ABCA2: variants seen among roughly 807,000 people sequenced by gnomAD.
The protein encoded by ABCA2 is ATP-binding cassette sub-family A member 2.
In ABCA2, 84 loss-of-function variants were observed where a neutral mutation model predicts 262.8. The ratio of observed to expected loss-of-function variants is 0.32; its 90% CI spans 0.27 to 0.38. The LOEUF is 0.38. Ranked by LOEUF, ABCA2 falls within the 10% of genes least tolerant of loss-of-function variation. The probability of loss-of-function intolerance (pLI) is 1.00; values close to 1 mark genes in which losing one functional copy is unlikely to be tolerated. For synonymous variants in ABCA2, 1,696 were observed against 1,502.9 expected (o/e 1.13, Z -2.97); for missense variants, 2,662 against 3,405.9 (o/e 0.78, Z 5.44).
upstream of ABCA2, among the ~76,000 whole-genome samples, chr9:137,028,470 C>T (rs772094680): frequency 8.0e-5 from 12 of 150,912 alleles, no homozygotes; most frequent in Non-Finnish European, 1.6e-4. The surrounding 1 kb of genome is among the most constrained non-coding windows in gnomAD (Gnocchi z 6.9). Context: ...CCGGGCGTCA[C>T]GCGACGCGCC....
At position 137,020,873 on chromosome 9, in the gene ABCA2, A is replaced by G. The variant is rs2131462143; in HGVS notation, c.1086T>C (p.Ser362=). The G allele has an allele frequency of 6.5e-7, 1 of 1,547,376 alleles. No homozygotes were observed. The highest frequency in any genetic ancestry group is 8.7e-7 in the Non-Finnish European group (1 of 1,144,828). ...TGCCATTGGCCGCCCCACCCGCACC[A>G]CTGGCTGGGGGTCCGGGGGTCCGGC... The part of the protein sequence containing the change: ...CTGRTPGPPA[S]GAGGAANGTG... The change falls in exon 9 of 49, where the codon AGT becomes AGC. Residue 362 remains serine, a synonymous_variant. Transcript: ENST00000341511.
chr9:137,028,745 G>A (rs1232131624), upstream of ABCA2: 1 of 1,279,210 alleles, frequency 7.8e-7, no homozygotes, highest in Non-Finnish European at 1.0e-6. This position sits in a 1 kb window ranked among gnomAD's most constrained non-coding sequence, Gnocchi z 6.9. Context: ...GGCCAGGTGG[G>A]TCCGTCCCGC....
intron 26 of ABCA2, 100 bp downstream of exon 26, chr9:137,014,590 C>A: frequency 6.6e-7 from 1 of 1,511,620 alleles, no homozygotes; most frequent in Non-Finnish European, 8.9e-7. Flanking sequence ...CCACCCAGGA[C>A]CAGGGTGGCG....
Position 137,015,756 on chromosome 9 carries a change from T to C in ABCA2, c.3433A>G (p.Ile1145Val), listed in dbSNP as rs1166799567. 1 of 1,612,298 alleles carries C rather than the reference T, an allele frequency of 6.2e-7. No homozygotes were observed. The highest frequency in any genetic ancestry group is 1.3e-5 in the African/African-American group (1 of 75,042). The change falls in exon 23 of 49, where the codon ATC (isoleucine) becomes GTC (valine). Residue 1145 changes from isoleucine (I) to valine (V), a missense_variant. By Grantham distance (29) the Ile-to-Val change is conservative (BLOSUM62 3). Around this residue, in one of 12 missense-constraint regions of ABCA2, gnomAD observed 180 missense variants for 307.3 expected, o/e 0.59. Coordinates refer to ENST00000341511, the MANE Select transcript of ABCA2 (RefSeq NM_001606.5). ...AIAFVGGSRA[I>V]ILDEPTAGVD... ...CCCGCCGTGGGCTCGTCCAGGATGA[T>C]GGCGCGAGAGCCGCCCACGAAGGCG...
In ABCA2 at chr9:137,009,372, G is replaced by A; in HGVS notation, c.6825C>T (p.Asn2275=). The A allele has an allele frequency of 1.5e-6, 2 of 1,321,036 alleles. No homozygotes were observed. Among genetic ancestry groups the A allele is most frequent in the Non-Finnish European group, 2.0e-6 (2 of 990,356 alleles). The allele number at this position is 1,321,036 out of a possible 1,614,324, so 81.8% of individuals were successfully genotyped here. A position where few individuals can be genotyped will look rare whatever the true frequency, so the allele number is the denominator to read the frequency against. The part of the protein sequence containing the change: ...RCLGSIQHLK[N]RFGDGYMITV... ...CCCCTGGCCCTGCCCCGGCTCACCG[G>A]TTCTTCAGGTGCTGGATGCTGCCCA... is the stretch of plus-strand genomic sequence containing the variant. The change falls in exon 45 of 49, where the codon AAC becomes AAT. Residue 2275 remains asparagine (N), a splice_region_variant and synonymous_variant. Coordinates refer to ENST00000341511, the MANE Select transcript of ABCA2 (RefSeq NM_001606.5).
At chr9:137,010,540 T>A in intron 40 of ABCA2, 80 bp downstream of exon 40, 1 of 1,414,114 alleles carries the variant, frequency 7.1e-7, no homozygotes, top group Non-Finnish European at 9.7e-7. Context: ...CCACCCAGGC[T>A]CCACCTCCAC....
chr9:137,025,826 G>A (rs1050099589), intron 1 of ABCA2, among the ~76,000 whole-genome samples: 1 of 152,230 alleles, frequency 6.6e-6, no homozygotes, highest in Admixed American at 6.5e-5. Context: ...ACGAGCTACT[G>A]GGAGGAGGAG....
rs958081692 is a variant in ABCA2 at position 137,018,576 on chromosome 9, A to G, written c.1819+143T>C. 5 of 324,988 alleles carry G rather than the reference A, an allele frequency of 1.5e-5. No homozygotes were observed. In the African/African-American group the frequency reaches 1.8e-4, roughly 12 times the overall value. The allele number at this position is 324,988 out of a possible 1,614,324, so 20.1% of individuals were successfully genotyped here. A position where few individuals can be genotyped will look rare whatever the true frequency, so the allele number is the denominator to read the frequency against. ...TGGGTTGGGGCCGTTTGGAAGGGGC[A>G]GGGGTGGGGAGGGGAAGTGGCGGGT... On this transcript the variant is annotated intron_variant, in intron 13 of 48. Coordinates refer to ENST00000341511, the MANE Select transcript of ABCA2 (RefSeq NM_001606.5).
chr9:137,021,922 C>T lies in ABCA2; in HGVS notation c.647G>A (p.Arg216His), dbSNP rs200711069. Reference sequence around the variant, plus strand: ...CCGGAACAGGGGATTGCCCCCTAGGCGGCTCCAGGGCTCCTGACCCTTGTG... The same window carrying T: ...CCGGAACAGGGGATTGCCCCCTAGGTGGCTCCAGGGCTCCTGACCCTTGTG... ...GLHKGQEPWS[R>H]LGGNPLFRME... is the part of the protein sequence containing the mutation. The change falls in exon 7 of 49, where the codon CGC (arginine) becomes CAC (histidine). Residue 216 changes from arginine (R) to histidine (H), a missense_variant. Arg to His is a conservative substitution (Grantham distance 29, BLOSUM62 0). Transcript: ENST00000341511. The surrounding 1 kb of genome is among the most constrained non-coding windows in gnomAD (Gnocchi z 6.0). 4.8e-5 allele frequency: 77 copies of T among 1,603,500 alleles called. No individual in the cohort carries two copies. The East Asian group carries it at 1.1e-3, about 22-fold the overall frequency.
chr9:137,018,581 TG>T, intron 13 of ABCA2, 137 bp downstream of exon 13: 1 of 246,744 alleles, frequency 4.1e-6, no homozygotes, highest in Non-Finnish European at 7.5e-6. Context: ...GGGGCAGGGG[TG>T]GGGAGGGGAA....
rs770884667 is a variant in ABCA2, at chr9:137,010,239, C to A, written c.6307G>T (p.Gly2103Cys). Residue 2103 changes from glycine to cysteine, a missense_variant, in exon 41 of 49, where the codon GGC becomes TGC. This residue lies in a region of ABCA2 where 602 missense variants were observed against 897.4 expected (regional missense o/e 0.67). Coordinates refer to ENST00000341511, the MANE Select transcript of ABCA2 (RefSeq NM_001606.5). Reference protein sequence around the residue: ...GKTSTFKMLTGDESTTGGEAF... With the variant: ...GKTSTFKMLTCDESTTGGEAF... ...TCGCCCCCCGTCGTGCTCTCGTCGC[C>A]GGTCAGCATCTTGAAGGTGCTGGTC... is the stretch of plus-strand genomic sequence containing the variant. The A allele has an allele frequency of 1.9e-6, 3 of 1,604,270 alleles. No homozygotes were observed. The highest frequency in any genetic ancestry group is 1.7e-5 in the Admixed American group (1 of 59,408).
Position 137,011,508 on chromosome 9 carries a change from C to T in ABCA2, c.5698G>A (p.Val1900Ile), listed in dbSNP as rs1289204170. The T allele has an allele frequency of 1.3e-6, 2 of 1,598,526 alleles. No individual in the cohort carries two copies. Among genetic ancestry groups the T allele is most frequent in the African/African-American group, 1.3e-5 (1 of 74,644 alleles). The part of the protein sequence containing the change: ...IMYPASFWFE[V>I]PSSAYVFLIV... Reference sequence around the variant, plus strand: ...AGGAACACGTAGGCGGAGCTGGGGACCTCGAACCAGAAGGAGGCCGGGTAC... The same window carrying T: ...AGGAACACGTAGGCGGAGCTGGGGATCTCGAACCAGAAGGAGGCCGGGTAC... Residue 1900 changes from valine (V) to isoleucine (I), a missense_variant, in exon 37 of 49, where the codon GTC becomes ATC. By Grantham distance (29) the Val-to-Ile change is conservative (BLOSUM62 3). Coordinates refer to ENST00000341511, the MANE Select transcript of ABCA2 (RefSeq NM_001606.5). The surrounding 1 kb of genome is among the most constrained non-coding windows in gnomAD (Gnocchi z 8.8).
chr9:137,009,363 G>T lies in ABCA2; in HGVS notation c.6827+7C>A. On this transcript the variant is annotated splice_region_variant and intron_variant, in intron 45 of 48. Transcript: ENST00000341511. ...CCCAGCCCACCCCTGGCCCTGCCCC[G>T]GCTCACCGGTTCTTCAGGTGCTGGA... The T allele has an allele frequency of 2.4e-6, 1 of 413,170 alleles. No homozygotes were observed. Among genetic ancestry groups the T allele is most frequent in the Non-Finnish European group, 4.2e-6 (1 of 235,444 alleles). The allele number at this position is 413,170 out of a possible 1,614,324, so 25.6% of individuals were successfully genotyped here.
rs1564227714 is a variant in ABCA2, at chr9:137,020,846, A to G, written c.1113T>C (p.Thr371=). 1 of 1,547,502 alleles carries G rather than the reference A, an allele frequency of 6.5e-7. No homozygotes were observed. The highest frequency in any genetic ancestry group is 8.7e-7 in the Non-Finnish European group (1 of 1,144,638). ...ASGAGGAANG[T]GAGAVMGPNA... is the part of the protein sequence containing the mutation. ...TGGGGCCCATGACTGCCCCTGCCCCAGTGCCATTGGCCGCCCCACCCGCAC... is the reference window on the plus strand; with the variant it reads ...TGGGGCCCATGACTGCCCCTGCCCCGGTGCCATTGGCCGCCCCACCCGCAC... Residue 371 remains threonine, a synonymous_variant, in exon 9 of 49, where the codon ACT becomes ACC. Coordinates refer to ENST00000341511, the MANE Select transcript of ABCA2 (RefSeq NM_001606.5).
chr9:137,013,550 C>A lies in ABCA2; in HGVS notation c.4461G>T (p.Pro1487=), dbSNP rs367736487. 6 of 1,608,854 alleles carry A rather than the reference C, an allele frequency of 3.7e-6. No homozygotes were observed. Among genetic ancestry groups the A allele is most frequent in the Non-Finnish European group, 4.2e-6 (5 of 1,179,046 alleles). The change falls in exon 29 of 49, where the codon CCG becomes CCT. Residue 1487 remains proline (P), a synonymous_variant. Transcript: ENST00000341511. Reference sequence around the variant, plus strand: ...GGTACTGGGAAGGTGACAGGACCAGCGGGGGCAGATCACCTGGCAGGGCGA... The same window carrying A: ...GGTACTGGGAAGGTGACAGGACCAGAGGGGGCAGATCACCTGGCAGGGCGA... ...LSVPEIGDLP[P]LVLSPSQYHN...
In ABCA2 at chr9:137,017,667, T is replaced by C. The variant is rs1588519192; in HGVS notation, c.2237A>G (p.Asn746Ser). 1.2e-6 allele frequency: 2 copies of C among 1,611,946 alleles called. No homozygotes were observed. The highest frequency in any genetic ancestry group is 1.1e-5 in the South Asian group (1 of 91,084). ...GAACCAGGCCACCCAGTGCACCGCGTTGTTCAGGCCCATGGTCTTCATCAC... is the reference window on the plus strand; with the variant it reads ...GAACCAGGCCACCCAGTGCACCGCGCTGTTCAGGCCCATGGTCTTCATCAC... ...KEVMKTMGLN[N>S]AVHWVAWFIT... The change falls in exon 17 of 49, where the codon AAC becomes AGC. Residue 746 changes from asparagine to serine, a missense_variant. Transcript: ENST00000341511.
At position 137,019,534 on chromosome 9, in the gene ABCA2, C is replaced by G. The variant is rs192677833; in HGVS notation, c.1426-228G>C. On this transcript the variant is annotated intron_variant, in intron 10 of 48. Transcript: ENST00000341511. This position sits in a 1 kb window ranked among gnomAD's most constrained non-coding sequence, Gnocchi z 4.4. ...ACCTCCCAGGCTCAAGGGATCCTCC[C>G]GCCTCAGCCCTCCAAGTAGCTGGGA... The G allele has an allele frequency of 2.2e-5, 11 of 503,628 alleles. No individual in the cohort carries two copies. In the African/African-American group the frequency reaches 2.2e-4, roughly 10 times the overall value. 31.2% of individuals were successfully genotyped at this position (503,628 alleles called of 1,614,324 possible).
chr9:137,021,036 G>C lies in ABCA2; in HGVS notation c.923C>G (p.Ser308Trp). The C allele has an allele frequency of 4.0e-6, 6 of 1,482,594 alleles. No individual in the cohort carries two copies. The highest frequency in any genetic ancestry group is 1.4e-5 in the African/African-American group (1 of 70,982). 91.8% of individuals were successfully genotyped at this position (1,482,594 alleles called of 1,614,324 possible). Residue 308 changes from serine (S) to tryptophan (W), a missense_variant, in exon 9 of 49, where the codon TCG (serine) becomes TGG (tryptophan). Ser to Trp is a radical substitution (Grantham distance 177). Coordinates refer to ENST00000341511, the MANE Select transcript of ABCA2 (RefSeq NM_001606.5). The surrounding 1 kb of genome is among the most constrained non-coding windows in gnomAD (Gnocchi z 6.0). ...GGGTGGCGCCTGTGGCGAGGAGTCC[G>C]AGCCGTTGGGGGCATCCAGGCCCAG... The part of the protein sequence containing the change: ...QQLGLDAPNG[S>W]DSSPQAPPPR...
At position 137,028,122 on chromosome 9, in the gene ABCA2, G is replaced by T; in HGVS notation, c.19C>A (p.Leu7Met). The T allele has an allele frequency of 1.0e-6, 1 of 986,450 alleles. No individual in the cohort carries two copies. The highest frequency in any genetic ancestry group is 1.2e-6 in the Non-Finnish European group (1 of 830,810). The allele number at this position is 986,450 out of a possible 1,614,324, so 61.1% of individuals were successfully genotyped here. A position where few individuals can be genotyped will look rare whatever the true frequency, so the allele number is the denominator to read the frequency against. The change falls in exon 1 of 49, where the codon CTG (leucine) becomes ATG (methionine). Residue 7 changes from leucine to methionine, a missense_variant. Leu to Met is a conservative substitution (Grantham distance 15). Coordinates refer to ENST00000341511, the MANE Select transcript of ABCA2 (RefSeq NM_001606.5). The surrounding 1 kb of genome is among the most constrained non-coding windows in gnomAD (Gnocchi z 6.9). ...ACGTTCTTCCAGAGCAGCAGCTGCA[G>T]CTGGTGCAGGAAGCCCATGGCGGGG... Reference protein sequence around the residue: MGFLHQLQLLLWKNVTL... With the variant: MGFLHQMQLLLWKNVTL...
Sources: allele counts gnomAD v4.1 joint callset (sites outside exome capture counted in the v4.1 genomes callset), GRCh38; gene constraint gnomAD v4.1.1; regional missense constraint gnomAD v4.1.1; non-coding constraint Gnocchi (gnomAD v3.1); transcripts MANE v1.5; gene names NCBI Gene and HGNC (gene_info 2026-07-23, HGNC 2026-07-21).